The following FLACC1 variants were observed in gnomAD, a reference collection of about 807,000 sequenced individuals.
The protein encoded by FLACC1 is flagellum associated containing coiled-coil domains 1, also known as flagellum-associated coiled-coil domain-containing protein 1.
A neutral mutation model predicts 62.8 loss-of-function variants in FLACC1; 66 were observed. That is an observed-to-expected ratio of 1.05 (90% confidence interval 0.86 to 1.29). FLACC1 has a LOEUF of 1.29. FLACC1 is among the 50% of genes most tolerant of loss of function. FLACC1 has a pLI of 0.00. For missense variants in FLACC1, 452 were observed against 489.1 expected (o/e 0.92, Z 0.71); for synonymous variants, 156 against 161.0 (o/e 0.97, Z 0.24).
chr2:201,355,952 C>A (rs1951109864), intron 1 of FLACC1, among the ~76,000 whole-genome samples: 1 of 152,068 alleles, frequency 6.6e-6, no homozygotes, highest in South Asian at 2.1e-4. Flanking sequence ...ACCAGTAAGA[C>A]AAGGCTATTG....
At chr2:201,329,417 A>G (rs914671291) in intron 9 of FLACC1, among the ~76,000 whole-genome samples, 15 of 152,228 alleles carry the variant, frequency 9.9e-5, no homozygotes, top group African/African-American at 3.4e-4. Flanking sequence ...CAGAACTACC[A>G]TTTGACTCAG....
chr2:201,333,129 T>C (rs1203744440), intron 7 of FLACC1, among the ~76,000 whole-genome samples: 1 of 152,208 alleles, frequency 6.6e-6, no homozygotes, highest in Non-Finnish European at 1.5e-5. Flanking sequence ...GAGCAACCTC[T>C]ATACAGTTTT....
chr2:201,321,815 C>T (rs903704140), intron 9 of FLACC1, among the ~76,000 whole-genome samples: 1 of 152,074 alleles, frequency 6.6e-6, no homozygotes, highest in Non-Finnish European at 1.5e-5. Flanking sequence ...CAGGTAAGAC[C>T]TCATTGCAAC....
intron 9 of FLACC1, among the ~76,000 whole-genome samples, chr2:201,324,669 A>T (rs1340303480): frequency 2.0e-5 from 3 of 152,252 alleles, no homozygotes; most frequent in Non-Finnish European, 4.4e-5. Flanking sequence ...TTCTCAGGCC[A>T]TAGCAGAATA....
rs562515211 is a variant in FLACC1, at chr2:201,317,821, C to T, written c.676-8571G>A. On this transcript the variant is annotated intron_variant, in intron 9 of 14. Transcript: ENST00000392257. Reference sequence around the variant, plus strand: ...GCAAAAAACCTAACAAATCTGGAGGCATCACATTACCTGATTTCAAACTAT... The same window carrying T: ...GCAAAAAACCTAACAAATCTGGAGGTATCACATTACCTGATTTCAAACTAT... Among the ~76,000 whole-genome samples the T allele has an allele frequency of 5.3e-5, 8 of 152,240 alleles. No homozygotes were observed. In the East Asian group the frequency reaches 1.5e-3, roughly 29 times the overall value.
chr2:201,330,886 T>A, intron 7 of FLACC1, 53 bp from the exon 8 acceptor site: 1 of 1,478,834 alleles, frequency 6.8e-7, no homozygotes, highest in Non-Finnish European at 9.3e-7. Flanking sequence ...AGTCCAGAGC[T>A]GAGCTGTTAC....
At chr2:201,324,190 A>G (rs1950460674) in intron 9 of FLACC1, among the ~76,000 whole-genome samples, 1 of 152,174 alleles carries the variant, frequency 6.6e-6, no homozygotes, top group Non-Finnish European at 1.5e-5. Flanking sequence ...TGGACACCAA[A>G]AGCAAGCAGG....
intron 7 of FLACC1, among the ~76,000 whole-genome samples, chr2:201,337,059 T>G (rs1243649492): frequency 6.6e-6 from 1 of 152,242 alleles, no homozygotes; most frequent in Non-Finnish European, 1.5e-5. Flanking sequence ...ATGAGTAGTT[T>G]GCAAATATTT....
At chr2:201,305,952 G>A (rs905423206) in intron 11 of FLACC1, among the ~76,000 whole-genome samples, 2 of 149,848 alleles carry the variant, frequency 1.3e-5, no homozygotes, top group African/African-American at 2.5e-5. Flanking sequence ...GGGGAGGGGG[G>A]AAGGATAGCA....
chr2:201,329,743 G>C (rs1373660066), intron 9 of FLACC1, among the ~76,000 whole-genome samples: 1 of 152,176 alleles, frequency 6.6e-6, no homozygotes, highest in Non-Finnish European at 1.5e-5. Flanking sequence ...TATTGGGAGA[G>C]AGGAAGAGGG....
intron 7 of FLACC1, among the ~76,000 whole-genome samples, chr2:201,331,313 A>G (rs547195562): frequency 6.6e-6 from 1 of 152,236 alleles, no homozygotes; most frequent in South Asian, 2.1e-4. Flanking sequence ...GCATCTATCC[A>G]GAAAGGGTGA....
At position 201,288,586 on chromosome 2, in the gene FLACC1, C is replaced by T; in HGVS notation, c.*69G>A. ...ATATGCATTTTCTCAAGAAAACCCT[C>T]CCAGGAGTTTCCTGGGCCTACAGAA... is the stretch of plus-strand genomic sequence containing the variant. On this transcript the variant is annotated 3_prime_UTR_variant, in exon 15 of 15. Coordinates refer to ENST00000392257, the MANE Select transcript of FLACC1 (RefSeq NM_001127391.3). 6.4e-7 allele frequency: 1 copy of T among 1,570,062 alleles called. No homozygotes were observed.
the FLACC1 span, among the ~76,000 whole-genome samples, chr2:201,364,027 A>G: frequency 2.6e-5 from 4 of 152,164 alleles, no homozygotes; most frequent in African/African-American, 7.2e-5. Context: ...TATGCACCCC[A>G]TGAATCAGCT....
chr2:201,291,853 C>T (rs1013480696), intron 12 of FLACC1, among the ~76,000 whole-genome samples: 1 of 152,168 alleles, frequency 6.6e-6, no homozygotes, highest in Non-Finnish European at 1.5e-5. Flanking sequence ...AGCTGAAAAC[C>T]ATGGCACAAG....
chr2:201,346,563 G>A lies in FLACC1; in HGVS notation c.347C>T (p.Pro116Leu), dbSNP rs574409627. 3.7e-5 allele frequency: 60 copies of A among 1,613,902 alleles called. No homozygotes were observed. The highest frequency in any genetic ancestry group is 5.0e-5 in the Admixed American group (3 of 60,004). The change falls in exon 5 of 15, where the codon CCG becomes CTG. Residue 116 changes from proline (P) to leucine (L), a missense_variant. Around this residue, in one of 3 missense-constraint regions of FLACC1, gnomAD observed 147 missense variants for 152.7 expected, o/e 0.96. Coordinates refer to ENST00000392257, the MANE Select transcript of FLACC1 (RefSeq NM_001127391.3). The surrounding 1 kb of genome is among the most constrained non-coding windows in gnomAD (Gnocchi z 4.0). Reference sequence around the variant, plus strand: ...TTACCTGGAAAATCTGCCTTTGTCCGGGATCTCCGATTCCCACCGCTTTTT... The same window carrying A: ...TTACCTGGAAAATCTGCCTTTGTCCAGGATCTCCGATTCCCACCGCTTTTT... The part of the protein sequence containing the change: ...DRKKRWESEI[P>L]DKGRFSRTNI...
intron 11 of FLACC1, among the ~76,000 whole-genome samples, chr2:201,301,688 T>C (rs946953178): frequency 7.9e-5 from 12 of 151,286 alleles, no homozygotes; most frequent in Non-Finnish European, 1.0e-4. Context: ...AGAGAAAGGT[T>C]GGGTTACCCA....
chr2:201,298,312 A>G (rs780990952), intron 12 of FLACC1, among the ~76,000 whole-genome samples: 7 of 152,206 alleles, frequency 4.6e-5, no homozygotes, highest in Non-Finnish European at 8.8e-5. Context: ...GTTTCCAGGC[A>G]ACTTAACTGC....
At chr2:201,301,735 G>A (rs555647710) in intron 11 of FLACC1, among the ~76,000 whole-genome samples, 35 of 152,224 alleles carry the variant, frequency 2.3e-4, no homozygotes, top group Non-Finnish European at 3.5e-4. Flanking sequence ...TGGATCTCTC[G>A]GCAGAAACTC....
chr2:201,326,567 CA>C lies in FLACC1; in HGVS notation c.675+3902del, dbSNP rs1950504417. ...CAAAAAAAGAACTGATACCCTTTTA[CA>C]ACAGCTACAAAAAAATAAAATACTT... On this transcript the variant is annotated intron_variant, in intron 9 of 14. Transcript: ENST00000392257. The surrounding 1 kb of genome is among the most constrained non-coding windows in gnomAD (Gnocchi z 4.1). 6.6e-6 allele frequency among the ~76,000 whole-genome samples: 1 copy of C among 152,082 alleles called. No homozygotes were observed. The highest frequency in any genetic ancestry group is 2.4e-5 in the African/African-American group (1 of 41,434).
Sources: gnomAD v4.1 joint callset for allele counts (sites outside exome capture counted in the v4.1 genomes callset) on GRCh38, gnomAD v4.1.1 for gene constraint, gnomAD v4.1.1 regional missense constraint, Gnocchi (gnomAD v3.1) non-coding constraint, MANE v1.5 for transcripts, NCBI Gene and HGNC (gene_info 2026-07-23, HGNC 2026-07-21) for gene names.